Variants in ST8SIA1 observed in about 807,000 individuals in gnomAD.
ST8SIA1 encodes the protein ST8 alpha-N-acetyl-neuraminide alpha-2,8-sialyltransferase 1.
A neutral mutation model predicts 35.9 loss-of-function variants in ST8SIA1; 16 were observed. That is an observed-to-expected ratio of 0.45 (90% CI 0.30 to 0.68). ST8SIA1 has a LOEUF of 0.68. ST8SIA1 is among the 30% of genes least tolerant of loss of function. ST8SIA1 has a pLI of 0.09. For missense variants in ST8SIA1, 383 were observed against 453.6 expected, an observed-to-expected ratio of 0.84 and a Z score of 1.41; for synonymous variants, 170 against 169.6, an observed-to-expected ratio of 1.00 and a Z score of -0.02.
chr12:22,254,459 G>A (rs1418019973), intron 3 of ST8SIA1, among the ~76,000 whole-genome samples: 1 of 152,018 alleles, frequency 6.6e-6, no homozygotes, highest in Non-Finnish European at 1.5e-5. Context: ...TGATTTCAAG[G>A]TGTGTTACTT....
At chr12:22,321,428 C>G (rs910977701) in intron 1 of ST8SIA1, among the ~76,000 whole-genome samples, 12 of 152,206 alleles carry the variant, frequency 7.9e-5, no homozygotes, top group Non-Finnish European at 4.4e-5. Context: ...CTCCTCCCTG[C>G]CCAAACTGAA....
At chr12:22,246,526 T>C (rs190662312) in intron 4 of ST8SIA1, among the ~76,000 whole-genome samples, 2 of 152,276 alleles carry the variant, frequency 1.3e-5, no homozygotes, top group East Asian at 3.9e-4. Context: ...ATGAGTTGAT[T>C]GAGGCCTTAT....
intron 4 of ST8SIA1, chr12:22,223,474 C>G: frequency 4.1e-6 from 4 of 984,410 alleles, no homozygotes; most frequent in Non-Finnish European, 4.8e-6. Flanking sequence ...TCTTTATAGC[C>G]GGGATTCCAG....
At chr12:22,236,866 T>C (rs1016264934) in intron 4 of ST8SIA1, among the ~76,000 whole-genome samples, 1 of 152,198 alleles carries the variant, frequency 6.6e-6, no homozygotes, top group Non-Finnish European at 1.5e-5. Context: ...CCTGTGTTCT[T>C]GGTGCTATGC....
chr12:22,325,292 C>G (rs1866660705), intron 1 of ST8SIA1: 1 of 575,228 alleles, frequency 1.7e-6, no homozygotes, highest in African/African-American at 1.9e-5. Flanking sequence ...ACGAAAGGCC[C>G]TTTTCTCATT....
rs571105269 is a variant in ST8SIA1, at chr12:22,193,763, T to G, written c.*7789A>C. The G allele has an allele frequency of 3.3e-5, 5 of 152,246 alleles. No homozygotes were observed. The highest frequency in any genetic ancestry group is 1.2e-4 in the African/African-American group (5 of 41,466). 9.4% of individuals were successfully genotyped at this position (152,246 alleles called of 1,614,324 possible). ...GCTTTAATAGAAAGAAGCAATTCCA[T>G]ATACTCTTCAAAGGTGATTTCAATT... On this transcript the variant is annotated 3_prime_UTR_variant, in exon 5 of 5. Coordinates refer to ENST00000396037, the MANE Select transcript of ST8SIA1 (RefSeq NM_003034.4).
chr12:22,238,776 T>C (rs1174721308), intron 4 of ST8SIA1, among the ~76,000 whole-genome samples: 7 of 152,232 alleles, frequency 4.6e-5, no homozygotes, highest in African/African-American at 1.7e-4. Context: ...ATAATAATTA[T>C]TGTTTTATAC....
intron 1 of ST8SIA1, among the ~76,000 whole-genome samples, chr12:22,312,004 T>C (rs1591853401): frequency 6.6e-6 from 1 of 152,230 alleles, no homozygotes; most frequent in African/African-American, 2.4e-5. Context: ...TTCTAAAATG[T>C]TGATGCTGAT....
At position 22,199,530 on chromosome 12, in the gene ST8SIA1, C is replaced by T. The variant is rs985227660; in HGVS notation, c.*2022G>A. 1.3e-5 allele frequency: 2 copies of T among 152,114 alleles called. No individual in the cohort carries two copies. The highest frequency in any genetic ancestry group is 2.9e-5 in the Non-Finnish European group (2 of 68,020). The allele number at this position is 152,114 out of a possible 1,614,324, so 9.4% of individuals were successfully genotyped here. A position where few individuals can be genotyped will look rare whatever the true frequency, so the allele number is the denominator to read the frequency against. Reference sequence around the variant, plus strand: ...TAACACAATTTCTTCATGGTACATTCTCATTATGTTTTTGCTGCCGTATAG... The same window carrying T: ...TAACACAATTTCTTCATGGTACATTTTCATTATGTTTTTGCTGCCGTATAG... On this transcript the variant is annotated 3_prime_UTR_variant, in exon 5 of 5. Transcript: ENST00000396037.
At chr12:22,266,634 T>A (rs952849627) in intron 2 of ST8SIA1, among the ~76,000 whole-genome samples, 1 of 151,796 alleles carries the variant, frequency 6.6e-6, no homozygotes, top group Non-Finnish European at 1.5e-5. Flanking sequence ...CTACTAAAAA[T>A]ATATATTTTT....
intron 1 of ST8SIA1, among the ~76,000 whole-genome samples, chr12:22,300,787 A>C (rs1866309571): frequency 6.6e-6 from 1 of 152,138 alleles, no homozygotes; most frequent in Non-Finnish European, 1.5e-5. Flanking sequence ...TATTTGACAA[A>C]CTTCTCAAAA....
chr12:22,261,703 G>A (rs768887675), intron 2 of ST8SIA1, among the ~76,000 whole-genome samples: 4 of 152,082 alleles, frequency 2.6e-5, no homozygotes, highest in African/African-American at 7.2e-5. Flanking sequence ...AAGAACAACC[G>A]TGAGCCCCAT....
At chr12:22,206,233 T>C (rs767730538) in intron 4 of ST8SIA1, among the ~76,000 whole-genome samples, 1 of 152,278 alleles carries the variant, frequency 6.6e-6, no homozygotes, top group South Asian at 2.1e-4. Context: ...CAGTGGATCC[T>C]GAATCTAGGT....
At chr12:22,264,718 A>G (rs1040781075) in intron 2 of ST8SIA1, among the ~76,000 whole-genome samples, 1 of 152,200 alleles carries the variant, frequency 6.6e-6, no homozygotes. Context: ...ATATATTTGT[A>G]CATGTTAATT....
At chr12:22,243,807 G>C (rs1865567617) in intron 4 of ST8SIA1, among the ~76,000 whole-genome samples, 1 of 152,190 alleles carries the variant, frequency 6.6e-6, no homozygotes, top group Admixed American at 6.5e-5. Flanking sequence ...TGAGGCAGGT[G>C]GATCACCTGA....
chr12:22,255,694 A>AG (rs1865721689), intron 2 of ST8SIA1, among the ~76,000 whole-genome samples: 1 of 151,976 alleles, frequency 6.6e-6, no homozygotes. Context: ...ATTAAAAAAA[A>AG]AATACAAAGT....
chr12:22,240,986 T>TTC (rs924151042), intron 4 of ST8SIA1, among the ~76,000 whole-genome samples: 3 of 151,110 alleles, frequency 2.0e-5, no homozygotes, highest in Non-Finnish European at 4.4e-5. Context: ...CTCTTTTTTT[T>TTC]TTTTTTTTTT....
rs553754291 is a variant in ST8SIA1 at position 22,198,728 on chromosome 12, T to A, written c.*2824A>T. 5 of 152,236 alleles carry A rather than the reference T, an allele frequency of 3.3e-5. No homozygotes were observed. The South Asian group carries it at 1.0e-3, about 32-fold the overall frequency. 9.4% of individuals were successfully genotyped at this position (152,236 alleles called of 1,614,324 possible). Reference sequence around the variant, plus strand: ...GAAGACAAGGTGGAACAATCAAAATTTCATTTTGGTCTAATCCAGGTCTAA... The same window carrying A: ...GAAGACAAGGTGGAACAATCAAAATATCATTTTGGTCTAATCCAGGTCTAA... On this transcript the variant is annotated 3_prime_UTR_variant, in exon 5 of 5. Transcript: ENST00000396037.
chr12:22,274,617 A>G (rs904177731), intron 2 of ST8SIA1, among the ~76,000 whole-genome samples: 2 of 152,202 alleles, frequency 1.3e-5, no homozygotes, highest in African/African-American at 4.8e-5. Flanking sequence ...AAAATGTACG[A>G]TCTTGTTATT....
Sources: allele counts gnomAD v4.1 joint callset (sites outside exome capture counted in the v4.1 genomes callset), GRCh38; gene constraint gnomAD v4.1.1; transcripts MANE v1.5; gene names NCBI Gene and HGNC (gene_info 2026-07-23, HGNC 2026-07-21).